Variants in BEST3 observed in about 807,000 individuals in gnomAD.
BEST3 encodes the protein bestrophin-3.
A neutral mutation model predicts 47.1 loss-of-function variants in BEST3; 50 were observed. The observed-to-expected ratio is 1.06, with a 90% CI of 0.85 to 1.34. The LOEUF (loss-of-function observed/expected upper bound fraction) is 1.34, where lower values mean the gene tolerates loss of function less well. Among genes scored for constraint, BEST3 ranks in the 40% most tolerant of loss-of-function variants. The pLI is 0.00. For missense variants in BEST3, 765 were observed against 817.0 expected, an observed-to-expected ratio of 0.94 and a Z score of 0.78; for synonymous variants, 282 against 298.8, an observed-to-expected ratio of 0.94 and a Z score of 0.58.
At chr12:69,690,056 C>A (rs1195538174) in intron 4 of BEST3, among the ~76,000 whole-genome samples, 1 of 152,148 alleles carries the variant, frequency 6.6e-6, no homozygotes, top group Admixed American at 6.5e-5. Flanking sequence ...ATTCCTAGGC[C>A]GTACATCCAA....
At chr12:69,665,891 C>T (rs1470379679) in intron 9 of BEST3, among the ~76,000 whole-genome samples, 2 of 151,914 alleles carry the variant, frequency 1.3e-5, no homozygotes, top group African/African-American at 4.8e-5. Context: ...TTTGCTTTAC[C>T]ATGATCAAAT....
At chr12:69,694,201 T>C (rs1227011087) in intron 3 of BEST3, 169 bp downstream of exon 3, 2 of 585,134 alleles carry the variant, frequency 3.4e-6, no homozygotes, top group Non-Finnish European at 6.0e-6. Context: ...TGGTGTTAAT[T>C]TCGCAAAAGC....
downstream of BEST3, among the ~76,000 whole-genome samples, chr12:69,649,577 A>C (rs749178702): frequency 6.6e-6 from 1 of 152,240 alleles, no homozygotes; most frequent in Non-Finnish European, 1.5e-5. Context: ...TCTTATCATT[A>C]ATCTCCTTGA....
chr12:69,655,016 A>G lies in BEST3; in HGVS notation c.1898T>C (p.Val633Ala). 6.2e-7 allele frequency: 1 copy of G among 1,614,140 alleles called. No individual in the cohort carries two copies. The highest frequency in any genetic ancestry group is 8.5e-7 in the Non-Finnish European group (1 of 1,180,012). ...TSSEISGINI[V>A]AGSRVSSDML... ...ATCAGAAGAGACTCGAGAGCCAGCC[A>G]CAATGTTGATCCCACTGATCTCTGA... The change falls in exon 10 of 10, where the codon GTG becomes GCG. Residue 633 changes from valine (V) to alanine (A), a missense_variant. By Grantham distance (64) the Val-to-Ala change is moderately conservative. Transcript: ENST00000330891.
chr12:69,643,699 C>G (rs757843247), exon 10 of BEST3: 1 of 699,674 alleles, frequency 1.4e-6, no homozygotes, highest in South Asian at 1.6e-5. Context: ...CTTTAACCAC[C>G]AGGATCACTC....
chr12:69,684,732 C>G (rs1885461816), intron 4 of BEST3: 1 of 461,252 alleles, frequency 2.2e-6, no homozygotes, highest in Admixed American at 3.5e-5. Context: ...TGGAATGAAG[C>G]CACCAGCTTC....
At chr12:69,647,920 T>A (rs1565816383) in intron 9 of BEST3, among the ~76,000 whole-genome samples, 1 of 151,778 alleles carries the variant, frequency 6.6e-6, no homozygotes. Context: ...GTACAGAAAC[T>A]CCATTAGATA....
In BEST3 at chr12:69,654,052, A is replaced by G. The variant is rs1260740844; in HGVS notation, c.*855T>C. The G allele has an allele frequency of 5.1e-6, 5 of 984,992 alleles. No homozygotes were observed. Among genetic ancestry groups the G allele is most frequent in the African/African-American group, 1.8e-5 (1 of 57,134 alleles). 61.0% of individuals were successfully genotyped at this position (984,992 alleles called of 1,614,324 possible). A position where few individuals can be genotyped will look rare whatever the true frequency, so the allele number is the denominator to read the frequency against. On this transcript the variant is annotated 3_prime_UTR_variant, in exon 10 of 10. Transcript: ENST00000330891. Reference sequence around the variant, plus strand: ...CTGCAAGGGCACGGGGGGAACCATCACTCCTATATGCCTTCCACTGGAAGT... The same window carrying G: ...CTGCAAGGGCACGGGGGGAACCATCGCTCCTATATGCCTTCCACTGGAAGT...
chr12:69,669,179 C>A (rs1884410947), intron 9 of BEST3, among the ~76,000 whole-genome samples: 1 of 152,168 alleles, frequency 6.6e-6, no homozygotes, highest in Non-Finnish European at 1.5e-5. Flanking sequence ...GAAAAATAGG[C>A]ATTAAGAAAT....
intron 9 of BEST3, among the ~76,000 whole-genome samples, chr12:69,665,584 C>T (rs1054805448): frequency 3.3e-5 from 5 of 151,692 alleles, no homozygotes; most frequent in Non-Finnish European, 5.9e-5. Flanking sequence ...CAGAGAGAGA[C>T]CTTGTCTACA....
intron 2 of BEST3, among the ~76,000 whole-genome samples, 173 bp downstream of exon 2, chr12:69,697,474 A>G (rs774939714): frequency 4.6e-5 from 7 of 152,190 alleles, no homozygotes; most frequent in Non-Finnish European, 8.8e-5. Flanking sequence ...CAACCTAACA[A>G]TGGTTAGTGG....
At position 69,663,636 on chromosome 12, in the gene BEST3, G is replaced by T. The variant is rs77615561; in HGVS notation, c.1100+7792C>A. 4.5e-3 allele frequency among the ~76,000 whole-genome samples: 687 copies of T among 152,216 alleles called. 6 individuals carry two copies. The highest frequency in any genetic ancestry group is 0.016 in the African/African-American group (678 of 41,532). On this transcript the variant is annotated intron_variant, in intron 9 of 9. Coordinates refer to ENST00000330891, the MANE Select transcript of BEST3 (RefSeq NM_032735.3). ...TTGAGATCAGGAGTTCAAGACCAGAGTGGGTAACATAGCCAGATCTTTGCC... is the reference window on the plus strand; with the variant it reads ...TTGAGATCAGGAGTTCAAGACCAGATTGGGTAACATAGCCAGATCTTTGCC...
chr12:69,645,864 A>T (rs547693130), intron 9 of BEST3, among the ~76,000 whole-genome samples: 2 of 152,188 alleles, frequency 1.3e-5, no homozygotes, highest in East Asian at 3.9e-4. Flanking sequence ...TCTAATGTTC[A>T]TCACAACCGT....
chr12:69,654,341 C>G lies in BEST3; in HGVS notation c.*566G>C. 1 of 984,788 alleles carries G rather than the reference C, an allele frequency of 1.0e-6. No individual in the cohort carries two copies. Among genetic ancestry groups the G allele is most frequent in the East Asian group, 1.1e-4 (1 of 8,802 alleles). 61.0% of individuals were successfully genotyped at this position (984,788 alleles called of 1,614,324 possible). Reference sequence around the variant, plus strand: ...TTGAAGAGAATTAAGTGTTCTGGTGCTGATGAAGCTTAAGAATCAGGAAGT... The same window carrying G: ...TTGAAGAGAATTAAGTGTTCTGGTGGTGATGAAGCTTAAGAATCAGGAAGT... On this transcript the variant is annotated 3_prime_UTR_variant, in exon 10 of 10. Coordinates refer to ENST00000330891, the MANE Select transcript of BEST3 (RefSeq NM_032735.3).
intron 9 of BEST3, among the ~76,000 whole-genome samples, chr12:69,665,283 C>A (rs1022245015): frequency 2.6e-5 from 4 of 152,024 alleles, no homozygotes; most frequent in African/African-American, 9.7e-5. Flanking sequence ...GTCTTAATGG[C>A]TCTGTCCAAA....
intron 7 of BEST3, among the ~76,000 whole-genome samples, chr12:69,673,201 T>C (rs757841413): frequency 2.0e-5 from 3 of 152,134 alleles, no homozygotes; most frequent in Non-Finnish European, 2.9e-5. Flanking sequence ...ATTCAACTGG[T>C]GACAATGCAG....
rs748521589 is a variant in BEST3 at position 69,655,467 on chromosome 12, T to C, written c.1447A>G (p.Ser483Gly). The stretch of plus-strand genomic sequence containing the variant: ...CTCACACTGGACTGTGGGGTCAGGC[T>C]CTGTAAAGTGCTTGTCTGGCTGGTC... Reference protein sequence around the residue: ...RETSQTSTLQSLTPQSSVRTS... With the variant: ...RETSQTSTLQGLTPQSSVRTS... The change falls in exon 10 of 10, where the codon AGC becomes GGC. Residue 483 changes from serine (S) to glycine (G), a missense_variant. Transcript: ENST00000330891. 2.5e-6 allele frequency: 4 copies of C among 1,614,104 alleles called. No individual in the cohort carries two copies. The highest frequency in any genetic ancestry group is 2.2e-5 in the South Asian group (2 of 91,078).
chr12:69,646,264 C>G (rs1056107919), intron 9 of BEST3, among the ~76,000 whole-genome samples: 2 of 152,162 alleles, frequency 1.3e-5, no homozygotes, highest in Non-Finnish European at 2.9e-5. Flanking sequence ...ATCACTTAGT[C>G]TAACCATTCA....
At chr12:69,680,484 A>AT (rs1885193188) in intron 4 of BEST3, among the ~76,000 whole-genome samples, 1 of 151,446 alleles carries the variant, frequency 6.6e-6, no homozygotes, top group Non-Finnish European at 1.5e-5. Context: ...AAGTTTTTGT[A>AT]TTTTTAGTAG....
Sources: gnomAD v4.1 joint callset for allele counts (sites outside exome capture counted in the v4.1 genomes callset) on GRCh38, gnomAD v4.1.1 for gene constraint, MANE v1.5 for transcripts, NCBI Gene and HGNC (gene_info 2026-07-23, HGNC 2026-07-21) for gene names.